DPP6: variants seen among roughly 807,000 people sequenced by gnomAD.
The protein encoded by DPP6 is dipeptidyl peptidase like 6, also known as A-type potassium channel modulatory protein DPP6.
Under a neutral mutation model 122.6 loss-of-function variants are expected in DPP6, and 69 were observed. The observed-to-expected ratio is 0.56, with a 90% CI of 0.46 to 0.69. The LOEUF (loss-of-function observed/expected upper bound fraction) is 0.69. Ranked by LOEUF, DPP6 falls within the 30% of genes least tolerant of loss-of-function variation. The probability of loss-of-function intolerance (pLI) is 0.00; values close to 1 mark genes in which losing one functional copy is unlikely to be tolerated. For synonymous variants in DPP6, 418 were observed against 433.1 expected, an observed-to-expected ratio of 0.97 and a Z score of 0.43; for missense variants, 928 against 1,116.9, an observed-to-expected ratio of 0.83 and a Z score of 2.41.
chr7:154,126,014 A>G (rs755543893), intron 1 of DPP6, among the ~76,000 whole-genome samples: 23 of 152,204 alleles, frequency 1.5e-4, no homozygotes, highest in Non-Finnish European at 2.4e-4. Context: ...AGGCTCTTCA[A>G]TTCTTGATTC....
At chr7:154,651,908 C>T (rs535154053) in intron 6 of DPP6, among the ~76,000 whole-genome samples, 88 of 152,266 alleles carry the variant, frequency 5.8e-4, no homozygotes, top group Non-Finnish European at 9.9e-4. Flanking sequence ...TCACACAAAG[C>T]CCCACTCTGA....
chr7:153,900,106 G>A (rs1050357534), intron 1 of DPP6, among the ~76,000 whole-genome samples: 1 of 152,210 alleles, frequency 6.6e-6, no homozygotes, highest in Non-Finnish European at 1.5e-5. Flanking sequence ...GAAGCTCAGA[G>A]GGTGGGTGAT....
At position 154,821,669 on chromosome 7, in the gene DPP6, T is replaced by TATATATATACAC. The variant is rs1563249297; in HGVS notation, c.1666+14559_1666+14570dup. ...ATACACATATATATATATATACACA[T>TATATATATACAC]ATATATATACACACACATATATATA... On this transcript the variant is annotated intron_variant, in intron 16 of 25. Transcript: ENST00000377770. The surrounding 1 kb of genome is among the most constrained non-coding windows in gnomAD (Gnocchi z 4.2). Among the ~76,000 whole-genome samples, 1 of 144,824 alleles carries TATATATATACAC rather than the reference T, an allele frequency of 6.9e-6. No homozygotes were observed. Among genetic ancestry groups the TATATATATACAC allele is most frequent in the East Asian group, 2.0e-4 (1 of 5,050 alleles).
At chr7:154,544,987 A>C (rs1045223180) in intron 4 of DPP6, among the ~76,000 whole-genome samples, 3 of 152,182 alleles carry the variant, frequency 2.0e-5, no homozygotes, top group African/African-American at 7.2e-5. Context: ...TTTGAGGTCC[A>C]TCCCTCATGA....
At position 154,746,449 on chromosome 7, in the gene DPP6, G is replaced by A. The variant is rs191255517; in HGVS notation, c.883+18562G>A. On this transcript the variant is annotated intron_variant, in intron 8 of 25. Coordinates refer to ENST00000377770, the MANE Select transcript of DPP6 (RefSeq NM_130797.4). ...TGTTGACAAAGTCCTTCCATCGTGA[G>A]GTCTGCACCCCTCACCCCCAGCTTG... Among the ~76,000 whole-genome samples the A allele has an allele frequency of 6.6e-5, 10 of 152,216 alleles. No homozygotes were observed. In the East Asian group the frequency reaches 7.7e-4, roughly 12 times the overall value.
At chr7:153,915,993 G>T (rs73494341) in intron 1 of DPP6, among the ~76,000 whole-genome samples, 1 of 151,596 alleles carries the variant, frequency 6.6e-6, no homozygotes. Context: ...TCGAGACAGA[G>T]TCTCGCTCTG....
intron 1 of DPP6, among the ~76,000 whole-genome samples, chr7:153,974,749 G>A (rs1027187967): frequency 3.0e-4 from 46 of 152,166 alleles, no homozygotes; most frequent in African/African-American, 1.0e-3. Flanking sequence ...GTTGACACTT[G>A]AAGTCAAGCG....
rs139556874 is a variant in DPP6, at chr7:154,005,652, C to A, written c.51+117918C>A. On this transcript the variant is annotated intron_variant, in intron 1 of 25. Coordinates refer to the DPP6 transcript ENST00000404039. ...AGGTGACGTCGCCCAGGAGGCTGGA[C>A]CTCGGGGATTGTGGTTCTGTCAAGA... Among the ~76,000 whole-genome samples the A allele has an allele frequency of 3.3e-3, 485 of 148,932 alleles. 1 individual carries two copies. The highest frequency in any genetic ancestry group is 5.5e-3 in the Non-Finnish European group (368 of 67,252).
At chr7:153,765,517 G>A in the DPP6 span, among the ~76,000 whole-genome samples, 1 of 151,216 alleles carries the variant, frequency 6.6e-6, no homozygotes, top group African/African-American at 2.4e-5. Context: ...ACTCCAGCCT[G>A]GGCAAGAAGA....
At chr7:153,925,209 C>T (rs1361172555) in intron 1 of DPP6, among the ~76,000 whole-genome samples, 2 of 152,136 alleles carry the variant, frequency 1.3e-5, no homozygotes, top group East Asian at 1.9e-4. Context: ...GGAGACCATC[C>T]GCATAGTAGA....
chr7:153,814,780 C>T, the DPP6 span, among the ~76,000 whole-genome samples: 9 of 152,122 alleles, frequency 5.9e-5, no homozygotes, highest in African/African-American at 2.2e-4. Context: ...CGGCTTCATC[C>T]CTGGGATGCA....
rs117718481 is a variant in DPP6 at position 153,978,741 on chromosome 7, C to G, written c.51+91007C>G. Among the ~76,000 whole-genome samples, 495 of 151,996 alleles carry G rather than the reference C, an allele frequency of 3.3e-3. 1 individual carries two copies. Among genetic ancestry groups the G allele is most frequent in the African/African-American group, 5.1e-3 (213 of 41,384 alleles). On this transcript the variant is annotated intron_variant, in intron 1 of 25. Transcript: ENST00000404039. ...ATTTTTGTATAAAGTGTAAGGAAAA[C>G]GTCCAGTTTCAGTTTTCTGCATATG...
intron 1 of DPP6, among the ~76,000 whole-genome samples, chr7:153,982,774 G>C (rs1372242428): frequency 6.6e-6 from 1 of 152,144 alleles, no homozygotes; most frequent in East Asian, 1.9e-4. Context: ...CTTTCTGTTT[G>C]TTAGTTTTTC....
At chr7:154,051,739 C>T (rs1467117431), upstream of DPP6, among the ~76,000 whole-genome samples, 3 of 150,710 alleles carry the variant, frequency 2.0e-5, 1 homozygote, top group Non-Finnish European at 4.4e-5. Flanking sequence ...GCATCGCCCG[C>T]GAGGGGCGCC....
the DPP6 span, among the ~76,000 whole-genome samples, chr7:153,775,699 C>T: frequency 6.6e-6 from 1 of 152,092 alleles, no homozygotes; most frequent in Non-Finnish European, 1.5e-5. Flanking sequence ...ATCCACAAAA[C>T]ATGTTCTAGA....
chr7:154,179,825 C>G lies in DPP6; in HGVS notation c.243+126762C>G, dbSNP rs576074279. Among the ~76,000 whole-genome samples the G allele has an allele frequency of 2.6e-5, 4 of 152,260 alleles. No individual in the cohort carries two copies. In the East Asian group the frequency reaches 5.8e-4, roughly 22 times the overall value. On this transcript the variant is annotated intron_variant, in intron 1 of 25. Coordinates refer to ENST00000377770, the MANE Select transcript of DPP6 (RefSeq NM_130797.4). ...TGACATTGAGCATATACACTTTCCA[C>G]CATTGTAGTAAGCCCAACATTCAGT...
At chr7:153,757,819 C>T in the DPP6 span, among the ~76,000 whole-genome samples, 6 of 152,198 alleles carry the variant, frequency 3.9e-5, no homozygotes, top group Admixed American at 2.6e-4. Context: ...TAGCCAGGCA[C>T]GGTGTGGTGC....
chr7:153,932,177 A>G (rs921229988), intron 1 of DPP6, among the ~76,000 whole-genome samples: 8 of 148,358 alleles, frequency 5.4e-5, no homozygotes, highest in South Asian at 2.1e-4. Context: ...CTGGAGTACA[A>G]TGGCGCCATC....
intron 1 of DPP6, among the ~76,000 whole-genome samples, chr7:153,983,396 C>T (rs1796688967): frequency 6.6e-6 from 1 of 152,244 alleles, no homozygotes; most frequent in African/African-American, 2.4e-5. Context: ...CACCCCTCCC[C>T]TGACCAAGCT....
Sources: gnomAD v4.1 joint callset for allele counts (sites outside exome capture counted in the v4.1 genomes callset) on GRCh38, gnomAD v4.1.1 for gene constraint, Gnocchi (gnomAD v3.1) non-coding constraint, MANE v1.5 for transcripts, NCBI Gene and HGNC (gene_info 2026-07-23, HGNC 2026-07-21) for gene names.